The following CACNA2D3 variants were observed in gnomAD, a reference collection of about 807,000 sequenced individuals.
CACNA2D3 encodes the protein voltage-dependent calcium channel subunit alpha-2/delta-3.
In CACNA2D3, 60 loss-of-function variants were observed where a neutral mutation model predicts 160.6. That is an observed-to-expected ratio of 0.37 (90% CI 0.30 to 0.46). CACNA2D3 has a LOEUF of 0.46. Among genes scored for constraint, CACNA2D3 ranks in the 20% least tolerant of loss-of-function variants. The probability of loss-of-function intolerance (pLI) is 1.00; values close to 1 mark genes in which losing one functional copy is unlikely to be tolerated. For synonymous variants in CACNA2D3, 558 were observed against 492.9 expected, an observed-to-expected ratio of 1.13 and a Z score of -1.75; for missense variants, 1,205 against 1,365.0, an observed-to-expected ratio of 0.88 and a Z score of 1.85.
At chr3:54,897,727 T>C (rs1700224401) in intron 26 of CACNA2D3, among the ~76,000 whole-genome samples, 1 of 152,164 alleles carries the variant, frequency 6.6e-6, no homozygotes, top group Admixed American at 6.5e-5. Flanking sequence ...TTGTGCCCAA[T>C]CCCCCTCCCT....
At chr3:54,379,939 C>T (rs1326095161) in intron 3 of CACNA2D3, among the ~76,000 whole-genome samples, 16 of 152,058 alleles carry the variant, frequency 1.1e-4, no homozygotes, top group Admixed American at 8.5e-4. Context: ...GGTACCTCTC[C>T]GATACTTTGG....
intron 11 of CACNA2D3, among the ~76,000 whole-genome samples, chr3:54,748,378 T>A (rs1701795763): frequency 6.6e-6 from 1 of 152,198 alleles, no homozygotes; most frequent in African/African-American, 2.4e-5. Context: ...AATCGGTTTT[T>A]TGAAAAAATC....
At chr3:54,190,522 A>G (rs1191410376) in intron 2 of CACNA2D3, among the ~76,000 whole-genome samples, 2 of 152,110 alleles carry the variant, frequency 1.3e-5, no homozygotes, top group Admixed American at 6.5e-5. Context: ...ACCTTACATC[A>G]TTGTACGTTT....
intron 3 of CACNA2D3, among the ~76,000 whole-genome samples, chr3:54,330,659 T>C (rs1704229020): frequency 6.6e-6 from 1 of 152,180 alleles, no homozygotes; most frequent in Admixed American, 6.5e-5. Context: ...ACAGAGATGA[T>C]GGAAGCAGCT....
intron 17 of CACNA2D3, among the ~76,000 whole-genome samples, chr3:54,847,204 C>G (rs1171286709): frequency 6.6e-6 from 1 of 152,208 alleles, no homozygotes; most frequent in Non-Finnish European, 1.5e-5. Flanking sequence ...CACCCCTGAA[C>G]TAGTTGCAGT....
chr3:54,262,199 C>T (rs1029539706), intron 2 of CACNA2D3, among the ~76,000 whole-genome samples: 4 of 152,108 alleles, frequency 2.6e-5, no homozygotes, highest in African/African-American at 9.7e-5. Context: ...GCTTTGGCGG[C>T]AGGGCTTGGT....
intron 8 of CACNA2D3, among the ~76,000 whole-genome samples, chr3:54,574,335 C>T (rs1702548286): frequency 6.6e-6 from 1 of 152,038 alleles, no homozygotes; most frequent in Admixed American, 6.6e-5. Context: ...GAAAGACTTC[C>T]CTTGGCCACT....
intron 3 of CACNA2D3, among the ~76,000 whole-genome samples, chr3:54,349,583 A>G (rs2107531652): frequency 6.6e-6 from 1 of 152,262 alleles, no homozygotes; most frequent in East Asian, 1.9e-4. Context: ...TTGTCTGTCT[A>G]ACTTTTCATT....
chr3:54,527,013 A>C (rs1287395213), intron 5 of CACNA2D3, among the ~76,000 whole-genome samples: 1 of 152,132 alleles, frequency 6.6e-6, no homozygotes, highest in Non-Finnish European at 1.5e-5. Context: ...TTGTTGACTG[A>C]CTATTCTCTC....
intron 2 of CACNA2D3, among the ~76,000 whole-genome samples, chr3:54,151,228 G>C (rs1037653638): frequency 2.6e-5 from 4 of 151,652 alleles, no homozygotes; most frequent in Non-Finnish European, 4.4e-5. Context: ...AATGGATGTA[G>C]AGATGGATTA....
chr3:54,787,981 CT>C (rs1702672673), intron 13 of CACNA2D3, among the ~76,000 whole-genome samples: 1 of 152,174 alleles, frequency 6.6e-6, no homozygotes, highest in South Asian at 2.1e-4. Flanking sequence ...ATTCTGATCC[CT>C]GTCACTGTTT....
At chr3:54,883,841 C>G (rs1699865260) in intron 21 of CACNA2D3, among the ~76,000 whole-genome samples, 1 of 80,434 alleles carries the variant, frequency 1.2e-5, no homozygotes, top group African/African-American at 3.8e-5. Flanking sequence ...TCCCTTCAAC[C>G]CTCCTTATCT....
chr3:54,754,142 C>T (rs924845363), intron 12 of CACNA2D3, among the ~76,000 whole-genome samples: 26 of 152,138 alleles, frequency 1.7e-4, no homozygotes, highest in Non-Finnish European at 2.9e-5. Flanking sequence ...TGTTGCATGT[C>T]AGAAACAAAT....
chr3:54,284,645 A>C (rs1702964359), intron 2 of CACNA2D3, among the ~76,000 whole-genome samples: 1 of 152,222 alleles, frequency 6.6e-6, no homozygotes, highest in South Asian at 2.1e-4. Flanking sequence ...GTGAGAATAA[A>C]GTGTAAAAAA....
intron 5 of CACNA2D3, among the ~76,000 whole-genome samples, chr3:54,509,733 C>T (rs978454291): frequency 1.3e-5 from 2 of 152,120 alleles, no homozygotes; most frequent in Non-Finnish European, 2.9e-5. Flanking sequence ...AAGATAGTGC[C>T]ACTGAAGTAA....
At chr3:54,967,731 G>T (rs1176736253) in intron 27 of CACNA2D3, among the ~76,000 whole-genome samples, 10 of 152,060 alleles carry the variant, frequency 6.6e-5, no homozygotes, top group Admixed American at 5.9e-4. Flanking sequence ...AGAAAAATAA[G>T]GTGAACTTCC....
intron 3 of CACNA2D3, among the ~76,000 whole-genome samples, chr3:54,321,261 A>G (rs559311319): frequency 9.2e-5 from 14 of 152,062 alleles, no homozygotes; most frequent in Admixed American, 6.5e-4. Flanking sequence ...CAGAGGTTGC[A>G]GTGAGCCAAG....
At chr3:54,870,076 A>T (rs1389980813) in intron 17 of CACNA2D3, among the ~76,000 whole-genome samples, 1 of 152,052 alleles carries the variant, frequency 6.6e-6, no homozygotes, top group Non-Finnish European at 1.5e-5. Context: ...GAGGAGGGGG[A>T]GTCTCCAGAG....
intron 9 of CACNA2D3, among the ~76,000 whole-genome samples, chr3:54,613,080 C>G (rs989591598): frequency 9.9e-5 from 15 of 152,198 alleles, no homozygotes; most frequent in Admixed American, 5.9e-4. Context: ...CTAAGTGGAT[C>G]AGAGTCACAG....
Sources: gnomAD v4.1 joint callset for allele counts (sites outside exome capture counted in the v4.1 genomes callset) on GRCh38, gnomAD v4.1.1 for gene constraint, MANE v1.5 for transcripts, NCBI Gene and HGNC (gene_info 2026-07-23, HGNC 2026-07-21) for gene names.